Variants in FAAH2 observed in about 807,000 individuals in gnomAD.
FAAH2 encodes fatty-acid amide hydrolase 2.
Under a neutral mutation model 36.9 loss-of-function variants are expected in FAAH2, and 60 were observed. The ratio of observed to expected loss-of-function variants is 1.63; its 90% CI spans 1.32 to 2.02. The LOEUF is 2.02. Among genes scored for constraint, FAAH2 ranks in the 30% most tolerant of loss-of-function variants. The probability of loss-of-function intolerance (pLI) is 0.00; values close to 1 mark genes in which losing one functional copy is unlikely to be tolerated. For missense variants in FAAH2, 689 were observed against 397.5 expected, an observed-to-expected ratio of 1.73 and a Z score of -6.23; for synonymous variants, 214 against 143.8, an observed-to-expected ratio of 1.49 and a Z score of -3.49.
chrX:57,194,449 A>G, the FAAH2 span, among the ~76,000 whole-genome samples: 4 of 110,825 alleles, frequency 3.6e-5, no homozygotes, highest in Non-Finnish European at 7.6e-5. Flanking sequence ...TTAACTATTT[A>G]TAAGCACTTC....
At chrX:57,259,907 G>C in the FAAH2 span, among the ~76,000 whole-genome samples, 1 of 111,655 alleles carries the variant, frequency 9.0e-6, no homozygotes, top group African/African-American at 3.2e-5. Context: ...TTATTTGCTT[G>C]TGGTAAAAAA....
At chrX:57,217,915 A>C in the FAAH2 span, among the ~76,000 whole-genome samples, 1 of 111,883 alleles carries the variant, frequency 8.9e-6, no homozygotes, top group Non-Finnish European at 1.9e-5. Flanking sequence ...ATTTATGAGC[A>C]TGGCATGTGT....
At chrX:57,165,637 A>C in the FAAH2 span, among the ~76,000 whole-genome samples, 1 of 111,334 alleles carries the variant, frequency 9.0e-6, no homozygotes, top group African/African-American at 3.3e-5. Context: ...ACATGTATAC[A>C]TATGTAACTA....
Position 57,381,020 on chromosome X carries a change from T to C in FAAH2, c.987T>C (p.Thr329=). The change falls in exon 7 of 11, where the codon ACT becomes ACC. Residue 329 remains threonine, a synonymous_variant. Transcript: ENST00000374900. ...AAGTGGACCAAGATCTCATTATGAC[T>C]CAGAAAAAGGTAATTTTAAATAAAA... is the stretch of plus-strand genomic sequence containing the variant. ...MSKVDQDLIM[T]QKKVVVHLET... is the part of the protein sequence containing the mutation. The C allele has an allele frequency of 8.6e-7, 1 of 1,162,504 alleles. No homozygotes were observed. The highest frequency in any genetic ancestry group is 1.2e-6 in the Non-Finnish European group (1 of 860,160).
intron 5 of FAAH2, among the ~76,000 whole-genome samples, chrX:57,354,275 G>T (rs2054104383): frequency 9.0e-6 from 1 of 110,932 alleles, no homozygotes; most frequent in South Asian, 3.7e-4. Context: ...CATGTCTTTT[G>T]CAGCAACATG....
At chrX:57,308,258 CA>C (rs1414377345) in intron 2 of FAAH2, among the ~76,000 whole-genome samples, 4 of 111,696 alleles carry the variant, frequency 3.6e-5, no homozygotes, top group African/African-American at 1.3e-4. Context: ...ACATTCCCAT[CA>C]ACATTCCCTT....
At chrX:57,326,421 C>G (rs1202684824) in intron 3 of FAAH2, among the ~76,000 whole-genome samples, 3 of 114,421 alleles carry the variant, frequency 2.6e-5, no homozygotes, top group Admixed American at 9.1e-5. Flanking sequence ...GTTGATCTGT[C>G]TAATGTTGAC....
chrX:57,177,585 T>G, the FAAH2 span, among the ~76,000 whole-genome samples: 1 of 62,146 alleles, frequency 1.6e-5, no homozygotes, highest in East Asian at 4.1e-4. Context: ...TAAATATATA[T>G]ATATATATAT....
At chrX:57,161,580 C>G in the FAAH2 span, among the ~76,000 whole-genome samples, 1 of 111,818 alleles carries the variant, frequency 8.9e-6, no homozygotes, top group East Asian at 2.8e-4. Context: ...AGAGCTAGCT[C>G]TTCTTGTTGA....
the FAAH2 span, among the ~76,000 whole-genome samples, chrX:57,235,706 T>C: frequency 8.9e-6 from 1 of 112,447 alleles, no homozygotes; most frequent in Non-Finnish European, 1.9e-5. Context: ...TTTGTCTTTA[T>C]TTTGTTTATA....
At chrX:57,485,209 G>A (rs1265719085) in intron 10 of FAAH2, among the ~76,000 whole-genome samples, 2 of 111,880 alleles carry the variant, frequency 1.8e-5, no homozygotes, top group Non-Finnish European at 3.8e-5. Flanking sequence ...GTTGTGGGAG[G>A]CATGCACAGG....
the FAAH2 span, among the ~76,000 whole-genome samples, chrX:57,197,486 C>T: frequency 1.8e-5 from 2 of 110,977 alleles, no homozygotes; most frequent in African/African-American, 6.6e-5. Context: ...GGTTTCTTCT[C>T]ATTTGGGTAG....
chrX:57,397,042 A>G (rs1170229322), intron 7 of FAAH2, among the ~76,000 whole-genome samples: 4 of 111,598 alleles, frequency 3.6e-5, no homozygotes, highest in East Asian at 2.8e-4. Flanking sequence ...TAGGATAGTT[A>G]TATTTCTCAT....
chrX:57,421,833 G>T (rs534709433), intron 7 of FAAH2, among the ~76,000 whole-genome samples: 22 of 111,583 alleles, frequency 2.0e-4, no homozygotes, highest in Non-Finnish European at 4.0e-4. Context: ...CATTATGATG[G>T]GGAAATAAAG....
At chrX:57,435,622 G>A (rs1194932318) in intron 8 of FAAH2, among the ~76,000 whole-genome samples, 3 of 109,417 alleles carry the variant, frequency 2.7e-5, no homozygotes, top group African/African-American at 9.9e-5. Context: ...AATGATAAAA[G>A]GATCAATGCA....
chrX:57,431,779 G>GTTTGT lies in FAAH2; in HGVS notation c.997-136_997-135insGTTTT, dbSNP rs1569340579. The GTTTGT allele has an allele frequency of 3.7e-4, 31 of 83,562 alleles. 1 individual carries two copies. Among genetic ancestry groups the GTTTGT allele is most frequent in the African/African-American group, 2.1e-3 (30 of 14,236 alleles). 6.9% of individuals were successfully genotyped at this position (83,562 alleles called of 1,213,427 possible). A position where few individuals can be genotyped will look rare whatever the true frequency, so the allele number is the denominator to read the frequency against. On this transcript the variant is annotated intron_variant, in intron 7 of 10. Transcript: ENST00000374900. The stretch of plus-strand genomic sequence containing the variant: ...TTTGTTTTTGTTTTTTTGTTTTTTT[G>GTTTGT]TTTTTTTGTTTTTTTTGGTGTTTCC...
At chrX:57,424,591 C>A (rs1024060358) in intron 7 of FAAH2, among the ~76,000 whole-genome samples, 2 of 111,679 alleles carry the variant, frequency 1.8e-5, no homozygotes, top group African/African-American at 6.5e-5. Flanking sequence ...GCTACTACAA[C>A]CAGCATTTGA....
intron 5 of FAAH2, among the ~76,000 whole-genome samples, chrX:57,377,474 C>G: frequency 8.9e-6 from 1 of 111,793 alleles, no homozygotes; most frequent in East Asian, 2.8e-4. Context: ...GGCATTATAT[C>G]TGAGGGATCT....
chrX:57,184,226 TC>T, the FAAH2 span, among the ~76,000 whole-genome samples: 4 of 112,010 alleles, frequency 3.6e-5, no homozygotes, highest in East Asian at 1.1e-3. Flanking sequence ...TTTGTCCTGT[TC>T]CCTCAGAAGC....
Sources: allele counts gnomAD v4.1 joint callset (sites outside exome capture counted in the v4.1 genomes callset), GRCh38; gene constraint gnomAD v4.1.1; transcripts MANE v1.5; gene names NCBI Gene and HGNC (gene_info 2026-07-23, HGNC 2026-07-21).